Variants in FSTL4 observed in about 807,000 individuals in gnomAD.
The protein encoded by FSTL4 is follistatin like 4, also known as follistatin-related protein 4.
A neutral mutation model predicts 78.2 loss-of-function variants in FSTL4; 28 were observed. That is an observed-to-expected ratio of 0.36 (90% CI 0.27 to 0.49). The LOEUF (loss-of-function observed/expected upper bound fraction) is 0.49. Ranked by LOEUF, FSTL4 falls within the 20% of genes least tolerant of loss-of-function variation. FSTL4 has a pLI of 0.98. For synonymous variants in FSTL4, 422 were observed against 440.5 expected (o/e 0.96, Z 0.53); for missense variants, 922 against 1,084.9 (o/e 0.85, Z 2.11).
At position 133,338,859 on chromosome 5, in the gene FSTL4, T is replaced by C. The variant is rs534638460; in HGVS notation, c.410-22207A>G. On this transcript the variant is annotated intron_variant, in intron 4 of 15. Coordinates refer to ENST00000265342, the MANE Select transcript of FSTL4 (RefSeq NM_015082.2). This position sits in a 1 kb window ranked among gnomAD's most constrained non-coding sequence, Gnocchi z 4.0. ...CTGGCTCAGGTCATTTCTACCACTG[T>C]GTCTCTTAGGGTGCCAGTTTCCCAC... Among the ~76,000 whole-genome samples, 2 of 152,236 alleles carry C rather than the reference T, an allele frequency of 1.3e-5. No individual in the cohort carries two copies. The highest frequency in any genetic ancestry group is 4.2e-4 in the South Asian group (2 of 4,810).
chr5:133,281,181 C>G (rs1753001538), intron 6 of FSTL4, among the ~76,000 whole-genome samples: 1 of 152,152 alleles, frequency 6.6e-6, no homozygotes, highest in Non-Finnish European at 1.5e-5. Flanking sequence ...AGCCCTGAGC[C>G]AGCTGGTTCT....
rs754339021 is a variant in FSTL4 at position 133,199,668 on chromosome 5, C to A, written c.1956G>T (p.Leu652=). The change falls in exon 16 of 16, where the codon CTG becomes CTT. Residue 652 remains leucine, a synonymous_variant. Coordinates refer to ENST00000265342, the MANE Select transcript of FSTL4 (RefSeq NM_015082.2). The surrounding 1 kb of genome is among the most constrained non-coding windows in gnomAD (Gnocchi z 4.4). ...GGCACTGGATGAAGAAGTAGCCGCC[C>A]AGGTGGGTGTGTGCCATGGCCTGGG... ...CVPQAMAHTH[L]GGYFFIQCRQ... 3.7e-6 allele frequency: 6 copies of A among 1,614,138 alleles called. No homozygotes were observed. Among genetic ancestry groups the A allele is most frequent in the Non-Finnish European group, 5.1e-6 (6 of 1,180,014 alleles).
At chr5:133,473,990 A>G (rs1175220281) in intron 3 of FSTL4, among the ~76,000 whole-genome samples, 1 of 152,214 alleles carries the variant, frequency 6.6e-6, no homozygotes, top group East Asian at 1.9e-4. Flanking sequence ...ATTACAACTC[A>G]AGATGAGATT....
At chr5:133,299,613 G>C (rs560235317) in intron 6 of FSTL4, among the ~76,000 whole-genome samples, 28 of 152,228 alleles carry the variant, frequency 1.8e-4, no homozygotes, top group Non-Finnish European at 3.8e-4. Flanking sequence ...TAGAGAATTC[G>C]AGGGAAGCAT....
At chr5:133,229,991 T>G (rs1350491044) in intron 8 of FSTL4, among the ~76,000 whole-genome samples, 2 of 152,186 alleles carry the variant, frequency 1.3e-5, no homozygotes, top group Non-Finnish European at 2.9e-5. Flanking sequence ...GGGAACAGAC[T>G]CCACCCTCTC....
At chr5:133,467,810 C>T (rs1167486047) in intron 3 of FSTL4, among the ~76,000 whole-genome samples, 2 of 152,220 alleles carry the variant, frequency 1.3e-5, no homozygotes, top group Non-Finnish European at 2.9e-5. Flanking sequence ...TGGCTGTTTG[C>T]TCAGACACTG....
the FSTL4 span, among the ~76,000 whole-genome samples, chr5:133,787,294 C>T: frequency 6.6e-6 from 1 of 152,192 alleles, no homozygotes; most frequent in South Asian, 2.1e-4. Context: ...TGGGACCACT[C>T]ACCATGTGTC....
At chr5:133,814,702 C>A in the FSTL4 span, among the ~76,000 whole-genome samples, 2 of 152,252 alleles carry the variant, frequency 1.3e-5, no homozygotes, top group African/African-American at 4.8e-5. Flanking sequence ...ATGTTGAGAG[C>A]GGAAGTCTGT....
At chr5:133,218,604 A>G (rs1331819555) in intron 12 of FSTL4, among the ~76,000 whole-genome samples, 5 of 151,322 alleles carry the variant, frequency 3.3e-5, no homozygotes, top group Non-Finnish European at 7.4e-5. Context: ...CGTGCTCAGC[A>G]CTCCTCAATC....
At chr5:133,469,924 T>C (rs542818920) in intron 3 of FSTL4, among the ~76,000 whole-genome samples, 1 of 151,782 alleles carries the variant, frequency 6.6e-6, no homozygotes, top group East Asian at 1.9e-4. Flanking sequence ...GCGCTATATG[T>C]GGAAAACTCT....
chr5:133,466,414 C>T (rs183756510), intron 3 of FSTL4, among the ~76,000 whole-genome samples: 21 of 152,096 alleles, frequency 1.4e-4, no homozygotes, highest in South Asian at 6.2e-4. Context: ...CGGTGGCAGG[C>T]GCCTGTAGTC....
At chr5:133,332,085 G>C (rs1754362168) in intron 4 of FSTL4, among the ~76,000 whole-genome samples, 2 of 152,232 alleles carry the variant, frequency 1.3e-5, no homozygotes, top group African/African-American at 4.8e-5. Context: ...TGCCGAGGGA[G>C]GGTTGGCAGT....
At chr5:133,402,021 G>A (rs569331274) in intron 3 of FSTL4, among the ~76,000 whole-genome samples, 9 of 152,228 alleles carry the variant, frequency 5.9e-5, no homozygotes, top group East Asian at 3.9e-4. Flanking sequence ...GGGGGTAGCC[G>A]AGGTAGGGAG....
rs1754528281 is a variant in FSTL4 at position 133,338,980 on chromosome 5, A to C, written c.410-22328T>G. Reference sequence around the variant, plus strand: ...TGTCCCCACCAATCCTCCCCCACTCAGTAGCTGGAGGAATCTTATGGGGGC... The same window carrying C: ...TGTCCCCACCAATCCTCCCCCACTCCGTAGCTGGAGGAATCTTATGGGGGC... On this transcript the variant is annotated intron_variant, in intron 4 of 15. Coordinates refer to ENST00000265342, the MANE Select transcript of FSTL4 (RefSeq NM_015082.2). The surrounding 1 kb of genome is among the most constrained non-coding windows in gnomAD (Gnocchi z 4.0). 6.6e-6 allele frequency among the ~76,000 whole-genome samples: 1 copy of C among 152,010 alleles called. No individual in the cohort carries two copies. The highest frequency in any genetic ancestry group is 2.4e-5 in the African/African-American group (1 of 41,380).
At chr5:133,648,514 C>G in the FSTL4 span, among the ~76,000 whole-genome samples, 1 of 152,126 alleles carries the variant, frequency 6.6e-6, no homozygotes, top group Non-Finnish European at 1.5e-5. Flanking sequence ...GTCACATAGC[C>G]CATAAAAGTA....
intron 3 of FSTL4, among the ~76,000 whole-genome samples, chr5:133,414,430 C>G (rs1756537451): frequency 6.6e-6 from 1 of 152,064 alleles, no homozygotes; most frequent in Non-Finnish European, 1.5e-5. Context: ...ATATGCCTAC[C>G]TCGGAAGGAC....
chr5:133,376,519 T>C (rs991456185), intron 4 of FSTL4, among the ~76,000 whole-genome samples: 3 of 152,062 alleles, frequency 2.0e-5, no homozygotes, highest in Non-Finnish European at 4.4e-5. Flanking sequence ...TAAATATAAA[T>C]GGTGAAATGA....
At chr5:133,347,198 T>C (rs1436143986) in intron 4 of FSTL4, among the ~76,000 whole-genome samples, 1 of 152,168 alleles carries the variant, frequency 6.6e-6, no homozygotes, top group Admixed American at 6.5e-5. Context: ...CGGTGTGCAT[T>C]GCCTGTGGCT....
At chr5:133,556,641 C>T (rs1034817722) in intron 3 of FSTL4, among the ~76,000 whole-genome samples, 7 of 152,066 alleles carry the variant, frequency 4.6e-5, no homozygotes, top group Non-Finnish European at 1.0e-4. Context: ...GAAAGAGAAT[C>T]GCTTGAACCC....
Sources: allele counts gnomAD v4.1 joint callset (sites outside exome capture counted in the v4.1 genomes callset), GRCh38; gene constraint gnomAD v4.1.1; non-coding constraint Gnocchi (gnomAD v3.1); transcripts MANE v1.5; gene names NCBI Gene and HGNC (gene_info 2026-07-23, HGNC 2026-07-21).